The following TNRC6A variants were observed in gnomAD, a reference collection of about 807,000 sequenced individuals.
TNRC6A encodes trinucleotide repeat-containing gene 6A protein.
Under a neutral mutation model 221.2 loss-of-function variants are expected in TNRC6A, and 44 were observed. That is an observed-to-expected ratio of 0.20 (90% CI 0.16 to 0.26). The LOEUF (loss-of-function observed/expected upper bound fraction) is 0.26. Among genes scored for constraint, TNRC6A ranks in the 10% least tolerant of loss-of-function variants. TNRC6A has a pLI of 1.00. For missense variants in TNRC6A, 2,199 were observed against 2,404.4 expected (o/e 0.91, Z 1.79); for synonymous variants, 847 against 838.5 (o/e 1.01, Z -0.18).
intron 11 of TNRC6A, 171 bp downstream of exon 11, chr16:24,798,137 A>C: frequency 3.9e-6 from 2 of 507,032 alleles, no homozygotes; most frequent in Non-Finnish European, 3.5e-6. Flanking sequence ...GTGCAGGACC[A>C]CTGTGCAGAT....
chr16:24,648,386 T>C (rs1596590529), intron 2 of TNRC6A, among the ~76,000 whole-genome samples: 1 of 150,104 alleles, frequency 6.7e-6, no homozygotes, highest in East Asian at 2.0e-4. Flanking sequence ...TTCTCCTGCC[T>C]CAGCCTCCCA....
At chr16:24,781,003 C>A (rs1392910216) in intron 5 of TNRC6A, among the ~76,000 whole-genome samples, 1 of 136,708 alleles carries the variant, frequency 7.3e-6, no homozygotes, top group Admixed American at 7.4e-5. Flanking sequence ...AAACTCAGAT[C>A]TTCTCTATCC....
At chr16:24,732,860 C>T (rs1747479011) in intron 2 of TNRC6A, among the ~76,000 whole-genome samples, 1 of 152,190 alleles carries the variant, frequency 6.6e-6, no homozygotes, top group African/African-American at 2.4e-5. Context: ...AGAACCACTG[C>T]TCTAGATCTT....
chr16:24,676,733 C>T (rs542423011), intron 2 of TNRC6A, among the ~76,000 whole-genome samples: 3 of 152,214 alleles, frequency 2.0e-5, no homozygotes, highest in South Asian at 2.1e-4. Context: ...GGATTATAGG[C>T]GTGAGCTACT....
At chr16:24,766,155 A>G (rs1271412114) in intron 4 of TNRC6A, among the ~76,000 whole-genome samples, 2 of 152,196 alleles carry the variant, frequency 1.3e-5, no homozygotes, top group South Asian at 2.1e-4. Context: ...TAAGATGAAA[A>G]TAATGTATAC....
rs1304537291 is a variant in TNRC6A, at chr16:24,655,581, C to T, written n.402+14572C>T. ...GCACATGTCTGTAATCCCAGCTACT[C>T]GGGAGGCTGAAGTAGAAGAATTGCT... On this transcript the variant is annotated intron_variant and non_coding_transcript_variant, in intron 2 of 2. Transcript: ENST00000566108. Among the ~76,000 whole-genome samples, 7 of 151,844 alleles carry T rather than the reference C, an allele frequency of 4.6e-5. No homozygotes were observed. The South Asian group carries it at 8.3e-4, about 18-fold the overall frequency.
rs7191503 is a variant in TNRC6A, at chr16:24,696,795, G to A, written n.403-53931G>A. ...GGAAAGGGGAGGGGGAGGGAGGGAG[G>A]GAGGAAGGAAGGAAAGAAGGGCTTT... On this transcript the variant is annotated intron_variant and non_coding_transcript_variant, in intron 2 of 2. Coordinates refer to the TNRC6A transcript ENST00000566108. 9.7e-3 allele frequency among the ~76,000 whole-genome samples: 1,397 copies of A among 144,262 alleles called. 32 individuals are homozygous for A. The highest frequency in any genetic ancestry group is 0.034 in the African/African-American group (1,326 of 39,446). The allele number at this position is 144,262 out of a possible 152,430, so 94.6% of individuals were successfully genotyped here. A position where few individuals can be genotyped will look rare whatever the true frequency, so the allele number is the denominator to read the frequency against.
chr16:24,788,261 A>G (rs2058017392), intron 5 of TNRC6A, among the ~76,000 whole-genome samples: 1 of 152,250 alleles, frequency 6.6e-6, no homozygotes, highest in Non-Finnish European at 1.5e-5. Context: ...CAACATAACT[A>G]ACCATTACTT....
At chr16:24,689,679 T>C (rs1268575001) in intron 2 of TNRC6A, among the ~76,000 whole-genome samples, 1 of 148,894 alleles carries the variant, frequency 6.7e-6, no homozygotes, top group Non-Finnish European at 1.5e-5. Context: ...AGAGTGCACG[T>C]TTTAGTGGAG....
chr16:24,795,962 C>G (rs377395060), intron 9 of TNRC6A, 23 bp downstream of exon 9: 56 of 1,612,886 alleles, frequency 3.5e-5, no homozygotes, highest in Middle Eastern at 1.6e-4. Context: ...TTTACTCTTT[C>G]TCCTTTGTTT....
intron 2 of TNRC6A, chr16:24,662,818 G>A (rs8058135): frequency 0.22 from 33,678 of 153,700 alleles, 4,176 homozygotes; most frequent in African/African-American, 0.34. Context: ...ATAACTCCTC[G>A]TCCTGGTTCT....
At chr16:24,652,532 G>A (rs542141762) in intron 2 of TNRC6A, among the ~76,000 whole-genome samples, 10 of 152,246 alleles carry the variant, frequency 6.6e-5, no homozygotes, top group Admixed American at 1.3e-4. Flanking sequence ...AGCACCGATT[G>A]GCATCCAACC....
chr16:24,799,376 G>A (rs943187589), intron 11 of TNRC6A, among the ~76,000 whole-genome samples: 3 of 152,084 alleles, frequency 2.0e-5, no homozygotes, highest in Admixed American at 6.5e-5. Context: ...GCATTTGTCC[G>A]GTACAATGGC....
intron 19 of TNRC6A, chr16:24,815,594 G>A (rs2058639994): frequency 8.0e-6 from 3 of 375,796 alleles, no homozygotes; most frequent in Non-Finnish European, 1.5e-5. Flanking sequence ...AGTGGCACAT[G>A]CCAGTAATCC....
chr16:24,636,869 T>A (rs942641367), intron 1 of TNRC6A, among the ~76,000 whole-genome samples: 19 of 152,312 alleles, frequency 1.2e-4, no homozygotes, highest in Admixed American at 9.8e-4. Flanking sequence ...AACTTTTAAT[T>A]GTCATAAGCT....
At chr16:24,736,511 A>G (rs987357183) in intron 2 of TNRC6A, among the ~76,000 whole-genome samples, 3 of 152,140 alleles carry the variant, frequency 2.0e-5, no homozygotes, top group Non-Finnish European at 2.9e-5. Flanking sequence ...TTTCTCTTAC[A>G]TTAGGAGCAT....
intron 18 of TNRC6A, among the ~76,000 whole-genome samples, chr16:24,813,203 C>T (rs1407763545): frequency 1.3e-5 from 2 of 151,992 alleles, no homozygotes; most frequent in African/African-American, 4.8e-5. Context: ...TCAGGGGGTA[C>T]AAGTTCATGT....
chr16:24,736,489 T>A (rs1161940383), intron 2 of TNRC6A, among the ~76,000 whole-genome samples: 1 of 152,230 alleles, frequency 6.6e-6, no homozygotes, highest in African/African-American at 2.4e-5. Flanking sequence ...TTGCATTTAG[T>A]TGTGTCTGAA....
intron 2 of TNRC6A, among the ~76,000 whole-genome samples, chr16:24,718,182 C>T (rs1053099489): frequency 2.0e-5 from 3 of 152,186 alleles, no homozygotes; most frequent in Admixed American, 1.3e-4. Flanking sequence ...GACAAGTCTC[C>T]ACTCCCAGAA....
Sources: allele counts gnomAD v4.1 joint callset (sites outside exome capture counted in the v4.1 genomes callset), GRCh38; gene constraint gnomAD v4.1.1; transcripts MANE v1.5; gene names NCBI Gene and HGNC (gene_info 2026-07-23, HGNC 2026-07-21).